The following KCNIP1 variants were observed in gnomAD, a reference collection of about 807,000 sequenced individuals.
The protein encoded by KCNIP1 is potassium voltage-gated channel interacting protein 1, also known as A-type potassium channel modulatory protein KCNIP1.
Under a neutral mutation model 33.0 loss-of-function variants are expected in KCNIP1, and 18 were observed. The observed-to-expected ratio is 0.55, with a 90% CI of 0.38 to 0.81. KCNIP1 has a LOEUF of 0.81. KCNIP1 is among the 30% of genes least tolerant of loss of function. KCNIP1 has a pLI of 0.00. For missense variants in KCNIP1, 238 were observed against 271.6 expected, an observed-to-expected ratio of 0.88 and a Z score of 0.87; for synonymous variants, 93 against 98.3, an observed-to-expected ratio of 0.95 and a Z score of 0.32.
intron 1 of KCNIP1, among the ~76,000 whole-genome samples, chr5:170,488,650 T>A (rs1757144650): frequency 6.6e-6 from 1 of 152,018 alleles, no homozygotes; most frequent in African/African-American, 2.4e-5. Context: ...AGGCACCACA[T>A]GTTGGTCTCA....
chr5:170,547,331 C>T (rs975557536), intron 1 of KCNIP1, among the ~76,000 whole-genome samples: 4 of 152,132 alleles, frequency 2.6e-5, no homozygotes, highest in African/African-American at 9.7e-5. Flanking sequence ...TAGTTCTTTG[C>T]TCCATCTATA....
intron 1 of KCNIP1, among the ~76,000 whole-genome samples, chr5:170,409,901 T>G (rs1755136974): frequency 6.6e-6 from 1 of 152,202 alleles, no homozygotes; most frequent in Admixed American, 6.5e-5. Context: ...AGAAAGAACT[T>G]AGATCAGTGC....
intron 2 of KCNIP1, among the ~76,000 whole-genome samples, chr5:170,719,335 C>T (rs1050944905): frequency 7.9e-5 from 12 of 152,028 alleles, no homozygotes; most frequent in South Asian, 2.1e-4. Flanking sequence ...CCTCTCCCTT[C>T]GCTGGGACCC....
At chr5:170,677,023 C>A (rs1008219145) in intron 1 of KCNIP1, among the ~76,000 whole-genome samples, 19 of 152,210 alleles carry the variant, frequency 1.2e-4, no homozygotes, top group African/African-American at 4.3e-4. Flanking sequence ...TTCCTCTCCC[C>A]AGATCCAGAT....
intron 1 of KCNIP1, among the ~76,000 whole-genome samples, chr5:170,440,893 A>G (rs1755972855): frequency 6.6e-6 from 1 of 152,172 alleles, no homozygotes. Context: ...TGGAGGACCC[A>G]GGAGTCAGGC....
intron 1 of KCNIP1, among the ~76,000 whole-genome samples, chr5:170,408,853 C>G (rs983614481): frequency 6.6e-5 from 10 of 152,020 alleles, no homozygotes; most frequent in African/African-American, 2.4e-4. Flanking sequence ...GGTCTTTTTG[C>G]GTGGGTATTT....
chr5:170,529,175 C>A (rs1193213986), intron 1 of KCNIP1, among the ~76,000 whole-genome samples: 1 of 152,120 alleles, frequency 6.6e-6, no homozygotes, highest in Non-Finnish European at 1.5e-5. Flanking sequence ...TCGACAAGAA[C>A]CTGTTGATTT....
intron 1 of KCNIP1, among the ~76,000 whole-genome samples, chr5:170,684,358 G>C (rs1762468866): frequency 6.6e-6 from 1 of 152,184 alleles, no homozygotes; most frequent in African/African-American, 2.4e-5. Context: ...CTCCCCTAGA[G>C]TCTAAAGTCT....
chr5:170,666,031 C>T (rs1206345359), intron 1 of KCNIP1, among the ~76,000 whole-genome samples: 1 of 152,218 alleles, frequency 6.6e-6, no homozygotes, highest in African/African-American at 2.4e-5. Context: ...TCCCTCCCCT[C>T]TTACACACTG....
chr5:170,446,190 T>C (rs1012507632), intron 1 of KCNIP1, among the ~76,000 whole-genome samples: 1 of 152,190 alleles, frequency 6.6e-6, no homozygotes, highest in Non-Finnish European at 1.5e-5. Flanking sequence ...GAACGGGATA[T>C]GTTCTCCCCT....
intron 1 of KCNIP1, among the ~76,000 whole-genome samples, chr5:170,415,735 G>A (rs1378380155): frequency 2.6e-5 from 4 of 152,128 alleles, no homozygotes; most frequent in Non-Finnish European, 4.4e-5. Flanking sequence ...AGCGCCACAG[G>A]AGTTTTTTCT....
At chr5:170,369,516 T>C (rs1163767597) in intron 1 of KCNIP1, among the ~76,000 whole-genome samples, 1 of 152,242 alleles carries the variant, frequency 6.6e-6, no homozygotes, top group Admixed American at 6.5e-5. Flanking sequence ...CCCTGGAAGC[T>C]GCTCCAATGC....
intron 1 of KCNIP1, among the ~76,000 whole-genome samples, chr5:170,387,852 G>A (rs1257101765): frequency 6.6e-5 from 10 of 152,250 alleles, no homozygotes. Flanking sequence ...AAGGGTCACT[G>A]GCACTTGGCC....
At chr5:170,455,486 C>T (rs1362169087) in intron 1 of KCNIP1, among the ~76,000 whole-genome samples, 1 of 152,196 alleles carries the variant, frequency 6.6e-6, no homozygotes, top group African/African-American at 2.4e-5. Context: ...ATTATAGGCA[C>T]AAGCCACATG....
chr5:170,711,227 C>T (rs10037236), intron 1 of KCNIP1, among the ~76,000 whole-genome samples: 5,941 of 152,286 alleles, frequency 0.039, 375 homozygotes, highest in African/African-American at 0.13. Context: ...TAGTTGTACA[C>T]TCATCATCTG....
chr5:170,423,489 C>T (rs1198507867), intron 1 of KCNIP1, among the ~76,000 whole-genome samples: 2 of 152,134 alleles, frequency 1.3e-5, no homozygotes, highest in East Asian at 3.8e-4. Context: ...CATGAAAATT[C>T]TGGTGGAATT....
chr5:170,469,728 CCACCT>C (rs1756681660), intron 1 of KCNIP1, among the ~76,000 whole-genome samples: 1 of 152,194 alleles, frequency 6.6e-6, no homozygotes, highest in African/African-American at 2.4e-5. Context: ...CATTGCAAAG[CCACCT>C]TTATCTAGCA....
chr5:170,684,478 GAC>G (rs1430190776), intron 1 of KCNIP1, among the ~76,000 whole-genome samples: 1 of 152,154 alleles, frequency 6.6e-6, no homozygotes, highest in Non-Finnish European at 1.5e-5. Context: ...AATGTATTAT[GAC>G]AGTCTTAGGA....
intron 1 of KCNIP1, among the ~76,000 whole-genome samples, chr5:170,567,599 G>C (rs1010598323): frequency 6.6e-6 from 1 of 152,234 alleles, no homozygotes; most frequent in Non-Finnish European, 1.5e-5. Flanking sequence ...AAGAAGCAAT[G>C]GGGAAGGACA....
Sources: gnomAD v4.1 joint callset for allele counts (sites outside exome capture counted in the v4.1 genomes callset) on GRCh38, gnomAD v4.1.1 for gene constraint, MANE v1.5 for transcripts, NCBI Gene and HGNC (gene_info 2026-07-23, HGNC 2026-07-21) for gene names.